FLRT2: variants seen among roughly 807,000 people sequenced by gnomAD.
FLRT2 encodes leucine-rich repeat transmembrane protein FLRT2.
FLRT2 carries 15 observed loss-of-function variants against 40.0 expected under a neutral mutation model. The ratio of observed to expected loss-of-function variants is 0.38; its 90% confidence interval spans 0.25 to 0.58. The LOEUF (loss-of-function observed/expected upper bound fraction) is 0.58, where lower values mean the gene tolerates loss of function less well. Ranked by LOEUF, FLRT2 falls within the 20% of genes least tolerant of loss-of-function variation. The pLI, the probability that FLRT2 is intolerant of heterozygous loss-of-function variation, is 0.71. For missense variants in FLRT2, 726 were observed against 840.0 expected (o/e 0.86, Z 1.68); for synonymous variants, 380 against 336.8 (o/e 1.13, Z -1.41).
intron 1 of FLRT2, among the ~76,000 whole-genome samples, chr14:85,602,223 T>C (rs967097415): frequency 6.6e-6 from 1 of 152,182 alleles, no homozygotes; most frequent in Admixed American, 6.5e-5. Flanking sequence ...TACACAAAAA[T>C]ACACATGTAC....
At chr14:85,564,468 A>C (rs1161044082) in intron 1 of FLRT2, among the ~76,000 whole-genome samples, 1 of 152,350 alleles carries the variant, frequency 6.6e-6, no homozygotes, top group Non-Finnish European at 1.5e-5. Flanking sequence ...AAATATATTT[A>C]GGTAATTAAA....
Position 85,634,106 on chromosome 14 carries a change from G to A in FLRT2, c.*10609G>A, listed in dbSNP as rs984895938. The A allele has an allele frequency of 1.2e-4, 19 of 152,256 alleles. No homozygotes were observed. The highest frequency in any genetic ancestry group is 9.8e-4 in the Admixed American group (15 of 15,294). 9.4% of individuals were successfully genotyped at this position (152,256 alleles called of 1,614,324 possible). A position where few individuals can be genotyped will look rare whatever the true frequency, so the allele number is the denominator to read the frequency against. ...AGCTGGATCACGTTGTTTTCTTTCT[G>A]TACACTTTGTGGTAGTTAATAGTCT... On this transcript the variant is annotated 3_prime_UTR_variant, in exon 2 of 2. Coordinates refer to ENST00000330753, the MANE Select transcript of FLRT2 (RefSeq NM_013231.6).
intron 1 of FLRT2, among the ~76,000 whole-genome samples, chr14:85,543,315 G>C (rs1889087749): frequency 6.6e-6 from 1 of 152,048 alleles, no homozygotes; most frequent in Non-Finnish European, 1.5e-5. Flanking sequence ...CTGACTTGTA[G>C]TCACTTGTGA....
chr14:85,612,156 A>C (rs1461233089), intron 1 of FLRT2, among the ~76,000 whole-genome samples: 1 of 150,152 alleles, frequency 6.7e-6, no homozygotes, highest in Non-Finnish European at 1.5e-5. Flanking sequence ...AAGAAAAAAA[A>C]AAACACAGTT....
At chr14:85,611,625 T>A (rs1892864990) in intron 1 of FLRT2, among the ~76,000 whole-genome samples, 1 of 152,086 alleles carries the variant, frequency 6.6e-6, no homozygotes, top group Non-Finnish European at 1.5e-5. Flanking sequence ...AGTATGATCC[T>A]CCCAAGGACC....
At chr14:85,533,392 G>C (rs2139794347) in intron 1 of FLRT2, among the ~76,000 whole-genome samples, 1 of 152,104 alleles carries the variant, frequency 6.6e-6, no homozygotes, top group South Asian at 2.1e-4. Flanking sequence ...CCGGGCGGGC[G>C]CAGCACTTGG....
In FLRT2 at chr14:85,623,552, C is replaced by A; in HGVS notation, c.*55C>A. The A allele has an allele frequency of 7.7e-7, 1 of 1,302,952 alleles. No homozygotes were observed. Among genetic ancestry groups the A allele is most frequent in the Non-Finnish European group, 1.0e-6 (1 of 992,198 alleles). 80.7% of individuals were successfully genotyped at this position (1,302,952 alleles called of 1,614,324 possible). On this transcript the variant is annotated 3_prime_UTR_variant, in exon 2 of 2. Coordinates refer to ENST00000330753, the MANE Select transcript of FLRT2 (RefSeq NM_013231.6). The stretch of plus-strand genomic sequence containing the variant: ...ACAATTAGACTCTTGAGAACACACT[C>A]GTGTGTGCACATAAAGACACGCAGA...
intron 1 of FLRT2, among the ~76,000 whole-genome samples, chr14:85,620,189 A>G (rs993948005): frequency 6.6e-6 from 1 of 152,172 alleles, no homozygotes; most frequent in Non-Finnish European, 1.5e-5. Flanking sequence ...GCCTTCATAC[A>G]TGCTTCTGTT....
intron 1 of FLRT2, among the ~76,000 whole-genome samples, chr14:85,558,043 T>C (rs898913647): frequency 6.6e-6 from 1 of 152,096 alleles, no homozygotes; most frequent in Non-Finnish European, 1.5e-5. Flanking sequence ...GTAGAAAGCA[T>C]CTGTAGACTT....
At chr14:85,577,103 G>A (rs534083380) in intron 1 of FLRT2, among the ~76,000 whole-genome samples, 28 of 152,240 alleles carry the variant, frequency 1.8e-4, no homozygotes, top group Admixed American at 9.2e-4. Context: ...ATTACCACTT[G>A]CGGTTTTCGC....
intron 1 of FLRT2, among the ~76,000 whole-genome samples, chr14:85,581,703 T>A (rs961195510): frequency 2.0e-5 from 3 of 152,208 alleles, no homozygotes; most frequent in African/African-American, 7.2e-5. Flanking sequence ...TTTATAGAAA[T>A]GGATTGTATA....
intron 1 of FLRT2, among the ~76,000 whole-genome samples, chr14:85,555,731 A>ATTTTATTTTATTTTAT (rs1256267797): frequency 1.6e-4 from 22 of 135,572 alleles, no homozygotes; most frequent in African/African-American, 5.6e-4. Flanking sequence ...ATTTTATTTT[A>ATTTTATTTTATTTTAT]TTTTTTTAGA....
chr14:85,622,837 GCTCT>G lies in FLRT2; in HGVS notation c.1330_1333del (p.Leu444SerfsTer3), dbSNP rs1566763971. ...ATGATACTTCCATTCAAGTCAGCTGGCTCTCTCTCTTCACCGTGATGGCATACAA... is the reference window on the plus strand; with the variant it reads ...ATGATACTTCCATTCAAGTCAGCTGGCTCTCTTCACCGTGATGGCATACAA... On this transcript the variant is annotated frameshift_variant, in exon 2 of 2. Coordinates refer to ENST00000330753, the MANE Select transcript of FLRT2 (RefSeq NM_013231.6). LOFTEE classifies it high-confidence loss of function. 1 of 1,614,106 alleles carries G rather than the reference GCTCT, an allele frequency of 6.2e-7. No homozygotes were observed. Among genetic ancestry groups the G allele is most frequent in the South Asian group, 1.1e-5 (1 of 91,074 alleles).
chr14:85,553,200 C>G (rs1595009755), intron 1 of FLRT2, among the ~76,000 whole-genome samples: 2 of 152,200 alleles, frequency 1.3e-5, no homozygotes, highest in East Asian at 3.9e-4. Flanking sequence ...TCAGAAAGAG[C>G]AAATAATTTA....
At chr14:85,555,416 G>T (rs1029521982) in intron 1 of FLRT2, among the ~76,000 whole-genome samples, 4 of 152,068 alleles carry the variant, frequency 2.6e-5, no homozygotes, top group South Asian at 2.1e-4. Context: ...CATAGTGGAA[G>T]GCGAAAAGCA....
intron 1 of FLRT2, among the ~76,000 whole-genome samples, chr14:85,611,689 C>A (rs1369402940): frequency 1.3e-5 from 2 of 152,144 alleles, no homozygotes; most frequent in Non-Finnish European, 2.9e-5. Context: ...GAATGAATAA[C>A]CCACTGTCAT....
chr14:85,568,971 A>G (rs1170190792), intron 1 of FLRT2, among the ~76,000 whole-genome samples: 1 of 152,034 alleles, frequency 6.6e-6, no homozygotes, highest in Non-Finnish European at 1.5e-5. Flanking sequence ...TTGCCTGCCA[A>G]TCTATCTTTT....
intron 1 of FLRT2, among the ~76,000 whole-genome samples, chr14:85,563,299 T>C (rs1329796308): frequency 6.6e-6 from 1 of 152,188 alleles, no homozygotes; most frequent in Non-Finnish European, 1.5e-5. Context: ...ACTGGATGTG[T>C]CTGACTCCAT....
chr14:85,555,731 A>ATTTTATTTTT (rs1256267797), intron 1 of FLRT2, among the ~76,000 whole-genome samples: 1 of 135,576 alleles, frequency 7.4e-6, no homozygotes, highest in Admixed American at 7.4e-5. Context: ...ATTTTATTTT[A>ATTTTATTTTT]TTTTTTTAGA....
Sources: allele counts gnomAD v4.1 joint callset (sites outside exome capture counted in the v4.1 genomes callset), GRCh38; gene constraint gnomAD v4.1.1; transcripts MANE v1.5; gene names NCBI Gene and HGNC (gene_info 2026-07-23, HGNC 2026-07-21).